Variants in ETV5 observed in about 807,000 individuals in gnomAD.
The protein encoded by ETV5 is ETS translocation variant 5.
A neutral mutation model predicts 70.0 loss-of-function variants in ETV5; 10 were observed. The observed-to-expected ratio is 0.14, with a 90% CI of 0.09 to 0.24. The LOEUF is 0.24. Ranked by LOEUF, ETV5 falls within the 10% of genes least tolerant of loss-of-function variation. The pLI, the probability that ETV5 is intolerant of heterozygous loss-of-function variation, is 1.00. For missense variants in ETV5, 453 were observed against 651.2 expected (o/e 0.70, Z 3.31); for synonymous variants, 216 against 242.2 (o/e 0.89, Z 1.01).
intron 9 of ETV5, 165 bp downstream of exon 9, chr3:186,064,252 C>G (rs1049509144): frequency 4.6e-6 from 3 of 650,722 alleles, no homozygotes; most frequent in Non-Finnish European, 5.3e-6. Context: ...AAGGTTTAAA[C>G]TATGATCTCA....
intron 7 of ETV5, among the ~76,000 whole-genome samples, 190 bp from the exon 8 acceptor site, chr3:186,066,262 C>CAAAAAGAAAAAAAAAAA (rs1713441138): frequency 1.1e-5 from 1 of 94,888 alleles, no homozygotes; most frequent in Non-Finnish European, 1.9e-5. Flanking sequence ...CAGGAAGTGG[C>CAAAAAGAAAAAAAAAAA]AAAAAAAAAA....
At chr3:186,061,900 T>C (rs764871741) in intron 9 of ETV5, among the ~76,000 whole-genome samples, 1 of 152,220 alleles carries the variant, frequency 6.6e-6, no homozygotes, top group Non-Finnish European at 1.5e-5. Flanking sequence ...CTTCTTTAGA[T>C]AAATCGTAAA....
intron 5 of ETV5, chr3:186,084,369 T>C: frequency 2.9e-6 from 1 of 349,914 alleles, no homozygotes; most frequent in Non-Finnish European, 5.5e-6. Flanking sequence ...CTCAGAATTG[T>C]AGAAGAGGGG....
chr3:186,068,392 A>G (rs922710642), intron 7 of ETV5, among the ~76,000 whole-genome samples: 1 of 152,244 alleles, frequency 6.6e-6, no homozygotes, highest in Admixed American at 6.5e-5. Flanking sequence ...TGACATTTAG[A>G]TATTAACACT....
rs1281944233 is a variant in ETV5, at chr3:186,048,727, G to A, written c.1445C>T (p.Pro482Leu). 5 of 1,614,158 alleles carry A rather than the reference G, an allele frequency of 3.1e-6. No individual in the cohort carries two copies. Among genetic ancestry groups the A allele is most frequent in the Non-Finnish European group, 4.2e-6 (5 of 1,180,022 alleles). ...ECHLSEEDTL[P>L]LTHFEDSPAY... ...GGGGCTGTCTTCAAAGTGGGTCAGCGGCAGGGTGTCCTCCTCGCTGAGGTG... is the reference window on the plus strand; with the variant it reads ...GGGGCTGTCTTCAAAGTGGGTCAGCAGCAGGGTGTCCTCCTCGCTGAGGTG... Residue 482 changes from proline (P) to leucine (L), a missense_variant, in exon 13 of 13, where the codon CCG (proline) becomes CTG (leucine). Physicochemically the swap from Pro to Leu is moderately conservative, Grantham distance 98. Coordinates refer to ENST00000306376, the MANE Select transcript of ETV5 (RefSeq NM_004454.3).
At chr3:186,094,063 G>A (rs1377773506) in intron 5 of ETV5, among the ~76,000 whole-genome samples, 2 of 152,210 alleles carry the variant, frequency 1.3e-5, no homozygotes, top group Admixed American at 6.5e-5. Flanking sequence ...AACTAGGAGG[G>A]CTGGCTTTTG....
At position 186,105,804 on chromosome 3, in the gene ETV5, C is replaced by G. The variant is rs1430800663; in HGVS notation, c.45+20G>C. 2.5e-6 allele frequency: 4 copies of G among 1,612,696 alleles called. No individual in the cohort carries two copies. Among genetic ancestry groups the G allele is most frequent in the Non-Finnish European group, 3.4e-6 (4 of 1,178,748 alleles). On this transcript the variant is annotated intron_variant, in intron 2 of 12. Coordinates refer to ENST00000306376, the MANE Select transcript of ETV5 (RefSeq NM_004454.3). The surrounding 1 kb of genome is among the most constrained non-coding windows in gnomAD (Gnocchi z 4.5). ...ATTGGAGAGGGAGGACAAAACAAACCAAAAGCCACATAAACTTACCCCTGG... is the reference window on the plus strand; with the variant it reads ...ATTGGAGAGGGAGGACAAAACAAACGAAAAGCCACATAAACTTACCCCTGG...
chr3:186,078,197 A>G, intron 7 of ETV5: 2 of 1,051,680 alleles, frequency 1.9e-6, no homozygotes, highest in South Asian at 4.6e-5. Context: ...CTGTTAATAC[A>G]GTATGTTACA....
Position 186,047,415 on chromosome 3 carries a change from G to A in ETV5, c.*1224C>T, listed in dbSNP as rs1316763915. On this transcript the variant is annotated 3_prime_UTR_variant, in exon 13 of 13. Transcript: ENST00000306376. ...AAAAAGGAAAACAAAACAAACTGATGAAATGGAAATTGTCATCAGTCATGC... is the reference window on the plus strand; with the variant it reads ...AAAAAGGAAAACAAAACAAACTGATAAAATGGAAATTGTCATCAGTCATGC... 4.3e-6 allele frequency: 1 copy of A among 232,178 alleles called. No individual in the cohort carries two copies. The highest frequency in any genetic ancestry group is 8.5e-6 in the Non-Finnish European group (1 of 117,400). The allele number at this position is 232,178 out of a possible 1,614,324, so 14.4% of individuals were successfully genotyped here.
intron 9 of ETV5, among the ~76,000 whole-genome samples, chr3:186,062,744 T>C: frequency 6.6e-6 from 1 of 152,180 alleles, no homozygotes; most frequent in East Asian, 1.9e-4. Context: ...AATGTTCAAT[T>C]TGAGTTAATG....
At chr3:186,059,078 G>A (rs1485415367) in intron 9 of ETV5, among the ~76,000 whole-genome samples, 2 of 151,604 alleles carry the variant, frequency 1.3e-5, no homozygotes, top group East Asian at 3.9e-4. Flanking sequence ...GTGAGTAAAG[G>A]TGCCAAGGTA....
At chr3:186,102,574 A>G (rs766854141) in intron 5 of ETV5, among the ~76,000 whole-genome samples, 1 of 144,972 alleles carries the variant, frequency 6.9e-6, no homozygotes, top group African/African-American at 2.6e-5. Context: ...TGGACATCCC[A>G]GTAAGTGGGC....
chr3:186,089,312 G>T, intron 5 of ETV5, among the ~76,000 whole-genome samples: 1 of 152,336 alleles, frequency 6.6e-6, no homozygotes, highest in Admixed American at 6.5e-5. Flanking sequence ...TCTAAAAGCA[G>T]AATTGGTGTA....
chr3:186,102,774 A>AG (rs1714491907), intron 5 of ETV5, among the ~76,000 whole-genome samples: 1 of 152,184 alleles, frequency 6.6e-6, no homozygotes, highest in Non-Finnish European at 1.5e-5. Flanking sequence ...CCTGAAAAAA[A>AG]TCACGAGCTC....
chr3:186,048,416 T>C lies in ETV5; in HGVS notation c.*223A>G. The C allele has an allele frequency of 1.8e-6, 1 of 565,606 alleles. No individual in the cohort carries two copies. Among genetic ancestry groups the C allele is most frequent in the Non-Finnish European group, 3.2e-6 (1 of 315,658 alleles). The allele number at this position is 565,606 out of a possible 1,614,324, so 35.0% of individuals were successfully genotyped here. A position where few individuals can be genotyped will look rare whatever the true frequency, so the allele number is the denominator to read the frequency against. ...CAGAAACCTCATCAGAATCAAGAGT[T>C]GAGGCACTGGCCTTTTGGTGGTTTT... On this transcript the variant is annotated 3_prime_UTR_variant, in exon 13 of 13. Transcript: ENST00000306376.
chr3:186,078,081 G>C, intron 7 of ETV5: 1 of 1,052,804 alleles, frequency 9.5e-7, no homozygotes. Context: ...TTCCTTCTCA[G>C]GGGGCTGGGT....
intron 5 of ETV5, among the ~76,000 whole-genome samples, chr3:186,086,804 G>GA (rs61308125): frequency 0.23 from 27,791 of 120,952 alleles, 3,430 homozygotes; most frequent in East Asian, 0.6. Flanking sequence ...AAAAAGATAC[G>GA]AAAAAAAAAA....
intron 12 of ETV5, 115 bp from the exon 13 acceptor site, chr3:186,048,975 C>G: frequency 1.3e-6 from 1 of 785,734 alleles, no homozygotes; most frequent in Non-Finnish European, 2.1e-6. Context: ...AGCCGATTAC[C>G]CCAATCACTC....
rs1712948584 is a variant in ETV5, at chr3:186,048,851, C to G, written c.1321G>C (p.Glu441Gln). ...CAGACAAATTTGTAGACGTATCGCT[C>G]TCCAGCCACCTGCGGGAGAACACAC... ...EKGIMQKVAG[E>Q]RYVYKFVCDP... The change falls in exon 13 of 13, where the codon GAG becomes CAG. Residue 441 changes from glutamate (E) to glutamine (Q), a missense_variant. This residue lies in a region of ETV5 where 74 missense variants were observed against 95.2 expected (regional missense o/e 0.78). Coordinates refer to ENST00000306376, the MANE Select transcript of ETV5 (RefSeq NM_004454.3). The G allele has an allele frequency of 6.2e-7, 1 of 1,613,654 alleles. No individual in the cohort carries two copies. Among genetic ancestry groups the G allele is most frequent in the Admixed American group, 1.7e-5 (1 of 59,954 alleles).
Sources: allele counts gnomAD v4.1 joint callset (sites outside exome capture counted in the v4.1 genomes callset), GRCh38; gene constraint gnomAD v4.1.1; regional missense constraint gnomAD v4.1.1; non-coding constraint Gnocchi (gnomAD v3.1); transcripts MANE v1.5; gene names NCBI Gene and HGNC (gene_info 2026-07-23, HGNC 2026-07-21).